Variants in IQCM observed in about 807,000 individuals in gnomAD.
IQCM encodes IQ motif containing M, also known as IQ domain-containing protein M.
Under a neutral mutation model 57.6 loss-of-function variants are expected in IQCM, and 45 were observed. The ratio of observed to expected loss-of-function variants is 0.78; its 90% confidence interval spans 0.62 to 1.00. The LOEUF (loss-of-function observed/expected upper bound fraction) is 1.00. IQCM is among the 50% of genes least tolerant of loss of function. The probability of loss-of-function intolerance (pLI) is 0.00; values close to 1 mark genes in which losing one functional copy is unlikely to be tolerated. For synonymous variants in IQCM, 148 were observed against 158.9 expected (o/e 0.93, Z 0.51); for missense variants, 468 against 511.6 (o/e 0.91, Z 0.82).
intron 13 of IQCM, among the ~76,000 whole-genome samples, chr4:149,387,482 G>C (rs2111065416): frequency 6.6e-6 from 1 of 152,086 alleles, no homozygotes; most frequent in East Asian, 1.9e-4. Flanking sequence ...AGGTTTCTTA[G>C]GGGTTACAAA....
chr4:149,792,007 G>A (rs939666607), intron 2 of IQCM, among the ~76,000 whole-genome samples: 1 of 152,094 alleles, frequency 6.6e-6, no homozygotes, highest in African/African-American at 2.4e-5. Context: ...AGACTAAACT[G>A]ATGCAAATAG....
intron 5 of IQCM, 33 bp from the exon 6 acceptor site, chr4:149,686,501 A>G: frequency 1.1e-6 from 1 of 934,540 alleles, no homozygotes; most frequent in Non-Finnish European, 1.4e-6. Flanking sequence ...ATTGCATACT[A>G]TTAGTTTTCA....
intron 12 of IQCM, among the ~76,000 whole-genome samples, chr4:149,531,951 G>A (rs1484978792): frequency 1.3e-5 from 2 of 152,042 alleles, no homozygotes; most frequent in Non-Finnish European, 1.5e-5. Flanking sequence ...TAATGTAAGT[G>A]GTCATTGAAG....
At chr4:149,697,929 T>C (rs940746267) in intron 5 of IQCM, among the ~76,000 whole-genome samples, 3 of 152,134 alleles carry the variant, frequency 2.0e-5, no homozygotes, top group Admixed American at 1.3e-4. Flanking sequence ...CTTATTCTCT[T>C]TCTAACTCAC....
intron 12 of IQCM, among the ~76,000 whole-genome samples, chr4:149,434,963 A>C (rs1228331165): frequency 6.6e-6 from 1 of 152,022 alleles, no homozygotes; most frequent in African/African-American, 2.4e-5. Flanking sequence ...AGATCTCCAG[A>C]GTAGCTTCTC....
chr4:149,806,320 C>T (rs1333724307), intron 2 of IQCM, among the ~76,000 whole-genome samples: 1 of 151,766 alleles, frequency 6.6e-6, no homozygotes, highest in African/African-American at 2.4e-5. Flanking sequence ...TCTTATTTTA[C>T]GTGTCAAGAA....
chr4:149,693,603 C>T (rs1763101584), intron 5 of IQCM, among the ~76,000 whole-genome samples: 2 of 152,320 alleles, frequency 1.3e-5, no homozygotes, highest in Admixed American at 6.5e-5. Flanking sequence ...AACCATGAAA[C>T]TCTAACCCAT....
chr4:149,599,110 T>C (rs1178003194), intron 8 of IQCM, among the ~76,000 whole-genome samples: 1 of 152,134 alleles, frequency 6.6e-6, no homozygotes, highest in Non-Finnish European at 1.5e-5. Flanking sequence ...GGGAGACATA[T>C]AAAAGAATGC....
At chr4:149,422,001 C>T (rs1189190233) in intron 13 of IQCM, among the ~76,000 whole-genome samples, 1 of 151,816 alleles carries the variant, frequency 6.6e-6, no homozygotes, top group Non-Finnish European at 1.5e-5. Flanking sequence ...ATCAAATGTT[C>T]TAATTTAACT....
At position 149,623,453 on chromosome 4, in the gene IQCM, G is replaced by A. The variant is rs146974191; in HGVS notation, c.566-2209C>T. ...TAGAAAATATAGCTATAACTTTTCC[G>A]CTTCAGGAAGCAGTAAAGCCTCCAC... On this transcript the variant is annotated intron_variant, in intron 7 of 13. Coordinates refer to ENST00000636793, the MANE Select transcript of IQCM (RefSeq NM_001363507.2). 4.3e-3 allele frequency among the ~76,000 whole-genome samples: 658 copies of A among 152,122 alleles called. 5 individuals are homozygous for A. Among genetic ancestry groups the A allele is most frequent in the African/African-American group, 0.014 (589 of 41,504 alleles).
intron 13 of IQCM, among the ~76,000 whole-genome samples, chr4:149,352,387 A>T (rs1040026184): frequency 6.6e-6 from 1 of 152,204 alleles, no homozygotes; most frequent in Non-Finnish European, 1.5e-5. Flanking sequence ...GATAAAAACT[A>T]TTCAGAAAAA....
intron 3 of IQCM, among the ~76,000 whole-genome samples, chr4:149,735,715 G>A (rs1011727296): frequency 1.3e-5 from 2 of 152,086 alleles, no homozygotes; most frequent in African/African-American, 4.8e-5. Flanking sequence ...TTACTGTATA[G>A]AAGATATAAC....
At chr4:149,701,495 T>C (rs1203336857) in intron 5 of IQCM, among the ~76,000 whole-genome samples, 1 of 152,140 alleles carries the variant, frequency 6.6e-6, no homozygotes, top group East Asian at 1.9e-4. Flanking sequence ...GTTGTTTTTA[T>C]TTATTTAATT....
intron 6 of IQCM, among the ~76,000 whole-genome samples, chr4:149,683,454 G>T (rs77928316): frequency 0.023 from 3,521 of 151,298 alleles, 199 homozygotes; most frequent in East Asian, 0.058. Flanking sequence ...AGATAGTAAA[G>T]AAATAACTAA....
At chr4:149,634,478 T>G (rs564451744) in intron 7 of IQCM, among the ~76,000 whole-genome samples, 2 of 152,332 alleles carry the variant, frequency 1.3e-5, no homozygotes, top group African/African-American at 2.4e-5. Flanking sequence ...AAATTCCTTA[T>G]AAGGCATGGA....
At chr4:149,621,326 A>G in intron 7 of IQCM, 82 bp from the exon 8 acceptor site, 1 of 535,586 alleles carries the variant, frequency 1.9e-6, no homozygotes, top group Non-Finnish European at 2.8e-6. Context: ...TGTTGCAAAG[A>G]GTAAAGCAAA....
At chr4:149,506,865 G>A (rs958584395) in intron 12 of IQCM, among the ~76,000 whole-genome samples, 2 of 152,106 alleles carry the variant, frequency 1.3e-5, no homozygotes, top group East Asian at 1.9e-4. Context: ...AGTGTGAGGG[G>A]AAAGGTAAGA....
intron 6 of IQCM, among the ~76,000 whole-genome samples, chr4:149,685,611 G>T (rs1762493811): frequency 6.6e-6 from 1 of 151,438 alleles, no homozygotes; most frequent in South Asian, 2.1e-4. Flanking sequence ...AGCCTTGCCA[G>T]CATTTCCTCA....
At chr4:149,588,161 T>C (rs1436214447) in intron 8 of IQCM, among the ~76,000 whole-genome samples, 164 bp from the exon 9 acceptor site, 2 of 151,746 alleles carry the variant, frequency 1.3e-5, no homozygotes, top group African/African-American at 4.8e-5. Context: ...CTCAGAGGGG[T>C]ATGACTGTTG....
Sources: allele counts gnomAD v4.1 joint callset (sites outside exome capture counted in the v4.1 genomes callset), GRCh38; gene constraint gnomAD v4.1.1; transcripts MANE v1.5; gene names NCBI Gene and HGNC (gene_info 2026-07-23, HGNC 2026-07-21).